The following CCR9 variants were observed in gnomAD, a reference collection of about 807,000 sequenced individuals.
The protein encoded by CCR9 is C-C motif chemokine receptor 9, also known as C-C chemokine receptor type 9.
A neutral mutation model predicts 8.7 loss-of-function variants in CCR9; 4 were observed. That is an observed-to-expected ratio of 0.46 (90% CI 0.23 to 1.06). The LOEUF is 1.06. Among genes scored for constraint, CCR9 ranks in the 50% least tolerant of loss-of-function variants. CCR9 has a pLI of 0.21. For missense variants in CCR9, 394 were observed against 453.6 expected (o/e 0.87, Z 1.19); for synonymous variants, 159 against 168.8 (o/e 0.94, Z 0.45).
intron 1 of CCR9, among the ~76,000 whole-genome samples, chr3:45,888,156 A>G (rs1702039700): frequency 6.6e-6 from 1 of 152,206 alleles, no homozygotes. Context: ...CTTTTGGAGA[A>G]TTAGCAGCTC....
At chr3:45,899,528 T>C (rs1702476386) in intron 2 of CCR9, among the ~76,000 whole-genome samples, 1 of 152,252 alleles carries the variant, frequency 6.6e-6, no homozygotes, top group Non-Finnish European at 1.5e-5. Context: ...AGTCCAAATG[T>C]ATCCAGATGA....
intron 2 of CCR9, among the ~76,000 whole-genome samples, chr3:45,898,908 C>T (rs1254684770): frequency 6.6e-6 from 1 of 152,266 alleles, no homozygotes; most frequent in Non-Finnish European, 1.5e-5. Context: ...TGGCTCACGC[C>T]TGTAATGCCA....
Position 45,902,291 on chromosome 3 carries a change from C to A in CCR9, c.*393C>A. On this transcript the variant is annotated 3_prime_UTR_variant, in exon 3 of 3. Coordinates refer to ENST00000357632, the MANE Select transcript of CCR9 (RefSeq NM_031200.3). ...TCTTCCAAAAGGGGACACAGAAGCA[C>A]TGGCTGCTGCTACAGACCGCAAAAG... is the stretch of plus-strand genomic sequence containing the variant. The A allele has an allele frequency of 5.4e-6, 1 of 184,002 alleles. No individual in the cohort carries two copies. The highest frequency in any genetic ancestry group is 6.1e-5 in the Admixed American group (1 of 16,310). 11.4% of individuals were successfully genotyped at this position (184,002 alleles called of 1,614,324 possible).
In CCR9 at chr3:45,901,279, A is replaced by G; in HGVS notation, c.491A>G (p.Tyr164Cys). The change falls in exon 3 of 3, where the codon TAC becomes TGC. Residue 164 changes from tyrosine to cysteine, a missense_variant. Transcript: ENST00000357632. The surrounding 1 kb of genome is among the most constrained non-coding windows in gnomAD (Gnocchi z 4.3). ...ACTTGGAGGGAGAAAAGGCTTTTGT[A>G]CAGCAAAATGGTTTGCTTTACCATC... ...AHTWREKRLL[Y>C]SKMVCFTIWV... 6.2e-7 allele frequency: 1 copy of G among 1,614,206 alleles called. No individual in the cohort carries two copies. The highest frequency in any genetic ancestry group is 8.5e-7 in the Non-Finnish European group (1 of 1,180,038).
At position 45,901,785 on chromosome 3, in the gene CCR9, A is replaced by G. The variant is rs1332125747; in HGVS notation, c.997A>G (p.Lys333Glu). ...CCGCCGGGATCTCGTGAAAACCCTGAAGAACTTGGGTTGCATCAGCCAGGC... is the reference window on the plus strand; with the variant it reads ...CCGCCGGGATCTCGTGAAAACCCTGGAGAACTTGGGTTGCATCAGCCAGGC... ...RFRRDLVKTL[K>E]NLGCISQAQW... is the part of the protein sequence containing the mutation. Residue 333 changes from lysine to glutamate, a missense_variant, in exon 3 of 3, where the codon AAG becomes GAG. By Grantham distance (56) the Lys-to-Glu change is moderately conservative. Transcript: ENST00000357632. The surrounding 1 kb of genome is among the most constrained non-coding windows in gnomAD (Gnocchi z 4.3). The G allele has an allele frequency of 1.2e-6, 2 of 1,614,166 alleles. No individual in the cohort carries two copies. The highest frequency in any genetic ancestry group is 1.7e-6 in the Non-Finnish European group (2 of 1,180,036).
At position 45,890,337 on chromosome 3, in the gene CCR9, C is replaced by CAT. The variant is rs1237727908; in HGVS notation, c.-29+3692_-29+3693dup. Among the ~76,000 whole-genome samples, 243 of 63,138 alleles carry CAT rather than the reference C, an allele frequency of 3.8e-3. 54 individuals are homozygous for CAT. The highest frequency in any genetic ancestry group is 0.027 in the African/African-American group (215 of 7,966). The allele number at this position is 63,138 out of a possible 152,430, so 41.4% of individuals were successfully genotyped here. On this transcript the variant is annotated intron_variant, in intron 1 of 2. Transcript: ENST00000357632. ...TATATTTATATAAATATATATATAACATATATATATAACATATATATATAT... is the reference window on the plus strand; with the variant it reads ...TATATTTATATAAATATATATATAACATATATATATATAACATATATATATAT...
At chr3:45,898,141 C>T (rs562563525) in intron 2 of CCR9, among the ~76,000 whole-genome samples, 1 of 152,276 alleles carries the variant, frequency 6.6e-6, no homozygotes, top group South Asian at 2.1e-4. Flanking sequence ...ATCCTCCCAA[C>T]CTCTTAAACC....
intron 1 of CCR9, among the ~76,000 whole-genome samples, chr3:45,888,691 T>C (rs1004058716): frequency 6.6e-6 from 1 of 152,178 alleles, no homozygotes; most frequent in African/African-American, 2.4e-5. Flanking sequence ...ATGTGGGATT[T>C]TCCCCCCTAT....
intron 2 of CCR9, among the ~76,000 whole-genome samples, chr3:45,899,262 CAA>C (rs1256150833): frequency 2.6e-5 from 4 of 152,172 alleles, no homozygotes; most frequent in African/African-American, 9.7e-5. Flanking sequence ...AAGGAATATG[CAA>C]AGATTCTCAA....
In CCR9 at chr3:45,897,462, T is replaced by A. The variant is rs1702393724; in HGVS notation, c.21+2508T>A. 10 of 758,040 alleles carry A rather than the reference T, an allele frequency of 1.3e-5. No individual in the cohort carries two copies. The South Asian group carries it at 1.5e-4, about 11-fold the overall frequency. The allele number at this position is 758,040 out of a possible 1,614,324, so 47.0% of individuals were successfully genotyped here. A position where few individuals can be genotyped will look rare whatever the true frequency, so the allele number is the denominator to read the frequency against. The stretch of plus-strand genomic sequence containing the variant: ...CAATGTCCTTGTCTGGGATTCAGTC[T>A]TGGGAGTGTTAGCTGTGCCTGCTCA... On this transcript the variant is annotated intron_variant, in intron 2 of 2. Coordinates refer to ENST00000357632, the MANE Select transcript of CCR9 (RefSeq NM_031200.3).
intron 2 of CCR9, among the ~76,000 whole-genome samples, chr3:45,899,693 G>C (rs972497810): frequency 2.0e-5 from 3 of 152,174 alleles, no homozygotes; most frequent in African/African-American, 7.2e-5. Flanking sequence ...GGAAGTGAGA[G>C]CGCTTGAAGA....
chr3:45,890,351 A>ATATATATATT (rs1702137593), intron 1 of CCR9, among the ~76,000 whole-genome samples: 2 of 9,686 alleles, frequency 2.1e-4, no homozygotes, highest in Non-Finnish European at 3.6e-4. Context: ...TATATATAAC[A>ATATATATATT]TATATATATA....
At chr3:45,890,959 A>G (rs1361262076) in intron 1 of CCR9, among the ~76,000 whole-genome samples, 3 of 152,250 alleles carry the variant, frequency 2.0e-5, no homozygotes, top group Admixed American at 6.5e-5. Context: ...GTACGAATGC[A>G]TAGAAACACG....
Position 45,901,413 on chromosome 3 carries a change from A to G in CCR9, c.625A>G (p.Lys209Glu). ...GGTTTACCCTAGCGATGAGAGCACC[A>G]AACTGAAGTCAGCTGTCTTGACCCT... ...TMVYPSDEST[K>E]LKSAVLTLKV... The change falls in exon 3 of 3, where the codon AAA (lysine) becomes GAA (glutamate). Residue 209 changes from lysine to glutamate, a missense_variant. By Grantham distance (56) the Lys-to-Glu change is moderately conservative. Coordinates refer to ENST00000357632, the MANE Select transcript of CCR9 (RefSeq NM_031200.3). This position sits in a 1 kb window ranked among gnomAD's most constrained non-coding sequence, Gnocchi z 4.3. 1 of 1,614,226 alleles carries G rather than the reference A, an allele frequency of 6.2e-7. No individual in the cohort carries two copies. Among genetic ancestry groups the G allele is most frequent in the South Asian group, 1.1e-5 (1 of 91,086 alleles).
chr3:45,899,396 G>T (rs1702472839), intron 2 of CCR9, among the ~76,000 whole-genome samples: 1 of 152,178 alleles, frequency 6.6e-6, no homozygotes, highest in Non-Finnish European at 1.5e-5. Context: ...AGGAGGTAGA[G>T]AATATTTTGC....
At chr3:45,886,770 TG>T (rs1701992168) in intron 1 of CCR9, 115 bp downstream of exon 1, 1 of 152,248 alleles carries the variant, frequency 6.6e-6, no homozygotes, top group Non-Finnish European at 1.5e-5. Context: ...TCAGAGGTCA[TG>T]GGCACCAGGC....
intron 1 of CCR9, among the ~76,000 whole-genome samples, chr3:45,890,279 T>TATTTATATAAATATATATATATAAC (rs1559421394): frequency 2.1e-4 from 16 of 75,782 alleles, no homozygotes; most frequent in South Asian, 3.5e-4. Context: ...AACATATATA[T>TATTTATATAAATATATATATATAAC]ATATTTATAT....
chr3:45,897,488 C>T (rs776913213), intron 2 of CCR9: 79 of 911,256 alleles, frequency 8.7e-5, no homozygotes, highest in Non-Finnish European at 1.3e-4. Flanking sequence ...TGCCTGCTCA[C>T]CGGGCAGTGG....
chr3:45,899,195 G>C (rs1278378871), intron 2 of CCR9, among the ~76,000 whole-genome samples: 2 of 152,172 alleles, frequency 1.3e-5, no homozygotes, highest in Non-Finnish European at 2.9e-5. Context: ...AATAAAACAA[G>C]TTTTGTAGGA....
Sources: gnomAD v4.1 joint callset for allele counts (sites outside exome capture counted in the v4.1 genomes callset) on GRCh38, gnomAD v4.1.1 for gene constraint, Gnocchi (gnomAD v3.1) non-coding constraint, MANE v1.5 for transcripts, NCBI Gene and HGNC (gene_info 2026-07-23, HGNC 2026-07-21) for gene names.